The following PTPN13 variants were observed in gnomAD, a reference collection of about 807,000 sequenced individuals.
The protein encoded by PTPN13 is tyrosine-protein phosphatase non-receptor type 13.
Under a neutral mutation model 284.0 loss-of-function variants are expected in PTPN13, and 191 were observed. The observed-to-expected ratio is 0.67, with a 90% CI of 0.60 to 0.76. The LOEUF (loss-of-function observed/expected upper bound fraction) is 0.76, where lower values mean the gene tolerates loss of function less well. Among genes scored for constraint, PTPN13 ranks in the 30% least tolerant of loss-of-function variants. The pLI, the probability that PTPN13 is intolerant of heterozygous loss-of-function variation, is 0.00. For missense variants in PTPN13, 2,797 were observed against 2,939.9 expected (o/e 0.95, Z 1.12); for synonymous variants, 986 against 1,022.3 (o/e 0.96, Z 0.68).
chr4:86,784,362 G>C, intron 37 of PTPN13, 103 bp from the exon 38 acceptor site: 1 of 717,870 alleles, frequency 1.4e-6, no homozygotes, highest in African/African-American at 1.8e-5. Context: ...ATGTAAAATG[G>C]ATCTTGTACT....
intron 2 of PTPN13, among the ~76,000 whole-genome samples, chr4:86,641,587 G>C (rs1723793144): frequency 6.6e-6 from 1 of 152,170 alleles, no homozygotes. Context: ...GCATGGCCTT[G>C]TTGAAAGACA....
chr4:86,708,136 A>G (rs1044057757), intron 7 of PTPN13, among the ~76,000 whole-genome samples: 2 of 152,160 alleles, frequency 1.3e-5, no homozygotes, highest in Admixed American at 1.3e-4. Context: ...AGCACTTGCA[A>G]TGTAGGTAGT....
chr4:86,775,213 GTTAATC>G lies in PTPN13; in HGVS notation c.5553_5558del (p.Asn1852_Leu1853del), dbSNP rs1327868869. On this transcript the variant is annotated inframe_deletion, in exon 34 of 48. Coordinates refer to ENST00000411767, the MANE Select transcript of PTPN13 (RefSeq NM_080683.3). ...TACTAATATGACTCATACAGATGCA[GTTAATC>G]TGCTCCGGGCTGCATCCAAAACAGT... 1 of 1,613,062 alleles carries G rather than the reference GTTAATC, an allele frequency of 6.2e-7. No individual in the cohort carries two copies. The highest frequency in any genetic ancestry group is 2.2e-5 in the East Asian group (1 of 44,856).
In PTPN13 at chr4:86,656,381, C is replaced by A. The variant is rs555242265; in HGVS notation, c.116-15984C>A. Among the ~76,000 whole-genome samples, 14 of 152,268 alleles carry A rather than the reference C, an allele frequency of 9.2e-5. No individual in the cohort carries two copies. The South Asian group carries it at 2.9e-3, about 32-fold the overall frequency. On this transcript the variant is annotated intron_variant, in intron 2 of 47. Coordinates refer to ENST00000411767, the MANE Select transcript of PTPN13 (RefSeq NM_080683.3). The stretch of plus-strand genomic sequence containing the variant: ...TCCCCATCTTTCTGGTTTTATCTAC[C>A]TTTGGTCTTTGATGATGGTGACGTA...
At chr4:86,800,352 T>G (rs544095882) in intron 42 of PTPN13, among the ~76,000 whole-genome samples, 6 of 152,150 alleles carry the variant, frequency 3.9e-5, no homozygotes, top group African/African-American at 1.2e-4. Context: ...TTTTTTTTTT[T>G]TTTAAGAAAT....
At chr4:86,660,139 A>G (rs566611627) in intron 2 of PTPN13, among the ~76,000 whole-genome samples, 2 of 152,230 alleles carry the variant, frequency 1.3e-5, no homozygotes, top group African/African-American at 2.4e-5. Context: ...ATTTAAAATT[A>G]TAAGTAAAAC....
chr4:86,806,669 AG>A (rs1474704942), intron 44 of PTPN13, among the ~76,000 whole-genome samples: 15 of 152,334 alleles, frequency 9.8e-5, no homozygotes, highest in African/African-American at 3.4e-4. Flanking sequence ...ACAAATGACC[AG>A]TATGGACTAA....
chr4:86,645,992 G>T (rs965656396), intron 2 of PTPN13, among the ~76,000 whole-genome samples: 7 of 151,946 alleles, frequency 4.6e-5, no homozygotes, highest in African/African-American at 1.7e-4. Flanking sequence ...ACAGCATCCA[G>T]AAATAAATCC....
intron 7 of PTPN13, among the ~76,000 whole-genome samples, chr4:86,713,107 C>A (rs892495843): frequency 6.6e-6 from 1 of 151,956 alleles, no homozygotes; most frequent in African/African-American, 2.4e-5. Context: ...ACTAAAAGTT[C>A]TTTACTCATT....
intron 2 of PTPN13, among the ~76,000 whole-genome samples, chr4:86,653,610 A>C (rs1442489987): frequency 6.6e-5 from 10 of 152,152 alleles, no homozygotes; most frequent in Admixed American, 6.5e-4. Flanking sequence ...AAAAAGCAGA[A>C]ATTTCAAACC....
intron 1 of PTPN13, among the ~76,000 whole-genome samples, chr4:86,614,427 CTTT>C (rs950485599): frequency 1.3e-5 from 2 of 151,886 alleles, no homozygotes; most frequent in Non-Finnish European, 2.9e-5. Context: ...AAAGGATAAT[CTTT>C]TTTTTACTAT....
intron 42 of PTPN13, 99 bp downstream of exon 42, chr4:86,799,303 G>T (rs1367835810): frequency 2.0e-4 from 112 of 547,170 alleles, no homozygotes; most frequent in Middle Eastern, 4.9e-4. Context: ...TTTACCATAT[G>T]TATACATTAT....
intron 2 of PTPN13, among the ~76,000 whole-genome samples, chr4:86,636,923 G>C (rs1475991523): frequency 6.6e-6 from 1 of 151,578 alleles, no homozygotes. Flanking sequence ...AAAATTGATA[G>C]ACCGCTAGCA....
At chr4:86,616,106 T>C (rs1720515828) in intron 1 of PTPN13, among the ~76,000 whole-genome samples, 1 of 152,214 alleles carries the variant, frequency 6.6e-6, no homozygotes, top group Non-Finnish European at 1.5e-5. Flanking sequence ...TAAATATTTA[T>C]TGAGAATCTG....
chr4:86,725,014 G>A (rs367611472), intron 10 of PTPN13, among the ~76,000 whole-genome samples: 62 of 111,042 alleles, frequency 5.6e-4, no homozygotes, highest in East Asian at 5.5e-3. Context: ...TTCCCGCCCC[G>A]TGTCCATGTG....
intron 7 of PTPN13, among the ~76,000 whole-genome samples, chr4:86,704,557 A>C (rs1731517338): frequency 6.6e-6 from 1 of 152,232 alleles, no homozygotes; most frequent in Admixed American, 6.5e-5. Flanking sequence ...TTATATCTGC[A>C]AAGATGATAC....
At chr4:86,791,469 TC>T (rs1186907358) in intron 40 of PTPN13, among the ~76,000 whole-genome samples, 1 of 152,172 alleles carries the variant, frequency 6.6e-6, no homozygotes. Flanking sequence ...GACTTAAATG[TC>T]CCTGTCTGAC....
At chr4:86,675,042 T>C (rs542285690) in intron 3 of PTPN13, among the ~76,000 whole-genome samples, 1 of 152,234 alleles carries the variant, frequency 6.6e-6, no homozygotes, top group East Asian at 1.9e-4. Flanking sequence ...CACAAGTGCT[T>C]TTCTGATTTT....
At chr4:86,749,855 G>A (rs1578569436) in intron 17 of PTPN13, among the ~76,000 whole-genome samples, 3 of 152,306 alleles carry the variant, frequency 2.0e-5, no homozygotes, top group Admixed American at 2.0e-4. Context: ...GCATAGTAGT[G>A]AAATAACAAA....
Sources: gnomAD v4.1 joint callset for allele counts (sites outside exome capture counted in the v4.1 genomes callset) on GRCh38, gnomAD v4.1.1 for gene constraint, MANE v1.5 for transcripts, NCBI Gene and HGNC (gene_info 2026-07-23, HGNC 2026-07-21) for gene names.